N4BP2: variants seen among roughly 807,000 people sequenced by gnomAD.
The protein encoded by N4BP2 is NEDD4 binding protein 2, also known as NEDD4-binding protein 2.
In N4BP2, 91 loss-of-function variants were observed where a neutral mutation model predicts 152.8. The ratio of observed to expected loss-of-function variants is 0.60; its 90% CI spans 0.50 to 0.71. N4BP2 has a LOEUF of 0.71. Among genes scored for constraint, N4BP2 ranks in the 30% least tolerant of loss-of-function variants. The pLI, the probability that N4BP2 is intolerant of heterozygous loss-of-function variation, is 0.00. For missense variants in N4BP2, 1,923 were observed against 2,059.1 expected, an observed-to-expected ratio of 0.93 and a Z score of 1.28; for synonymous variants, 646 against 705.3, an observed-to-expected ratio of 0.92 and a Z score of 1.33.
intron 14 of N4BP2, among the ~76,000 whole-genome samples, chr4:40,141,222 AC>A (rs369480878): frequency 0.3 from 43,703 of 145,956 alleles, 6,465 homozygotes; most frequent in South Asian, 0.48. Context: ...CGGGGGGCTG[AC>A]CCCCCCACCT....
At position 40,133,808 on chromosome 4, in the gene N4BP2, G is replaced by T. The variant is rs563029838; in HGVS notation, c.4646+1889G>T. ...AGGAGTAGTCAACATATACTTTTTT[G>T]TGTGTGTGTGTTTGTGTGAGACAGG... On this transcript the variant is annotated intron_variant, in intron 13 of 17. Coordinates refer to ENST00000261435, the MANE Select transcript of N4BP2 (RefSeq NM_018177.6). Among the ~76,000 whole-genome samples the T allele has an allele frequency of 1.1e-4, 17 of 151,652 alleles. No individual in the cohort carries two copies. The East Asian group carries it at 1.2e-3, about 10-fold the overall frequency.
the N4BP2 span, among the ~76,000 whole-genome samples, chr4:40,164,939 GC>G: frequency 6.6e-6 from 1 of 152,170 alleles, no homozygotes; most frequent in Non-Finnish European, 1.5e-5. Context: ...TCTTTGCTGA[GC>G]TGTAGAGTAA....
chr4:40,144,925 TTA>T lies in N4BP2; in HGVS notation c.5143+127_5143+128del, dbSNP rs1720371865. On this transcript the variant is annotated intron_variant, in intron 16 of 17. Transcript: ENST00000261435. ...ATATCTGTGTAACATCTGTAAATGTTTATGTTATTCATTCTTCAAGAGAACCT... is the reference window on the plus strand; with the variant it reads ...ATATCTGTGTAACATCTGTAAATGTTTGTTATTCATTCTTCAAGAGAACCT... 3 of 663,234 alleles carry T rather than the reference TTA, an allele frequency of 4.5e-6. No homozygotes were observed. In the Admixed American group the frequency reaches 1.1e-4, roughly 23 times the overall value. 41.1% of individuals were successfully genotyped at this position (663,234 alleles called of 1,614,324 possible).
chr4:40,058,319 G>A (rs747904738), intron 1 of N4BP2, among the ~76,000 whole-genome samples: 4 of 152,048 alleles, frequency 2.6e-5, no homozygotes, highest in Non-Finnish European at 5.9e-5. Flanking sequence ...TTTGATAAAC[G>A]TGGTTCCATC....
chr4:40,112,284 C>G, intron 6 of N4BP2, 112 bp downstream of exon 6: 1 of 655,940 alleles, frequency 1.5e-6, no homozygotes, highest in Non-Finnish European at 2.6e-6. Context: ...CTTGGATAGT[C>G]TGTAAATGAG....
rs1717917954 is a variant in N4BP2 at position 40,121,583 on chromosome 4, A to G, written c.3472A>G (p.Asn1158Asp). 1.2e-6 allele frequency: 2 copies of G among 1,614,098 alleles called. No homozygotes were observed. Among genetic ancestry groups the G allele is most frequent in the African/African-American group, 2.7e-5 (2 of 75,028 alleles). Reference protein sequence around the residue: ...SQIGPFSLGLNLKEIISQRGT... With the variant: ...SQIGPFSLGLDLKEIISQRGT... ...AATTGGGCCTTTTTCTCTGGGGTTG[A>G]ATTTGAAAGAAATTATTAGCCAAAG... The change falls in exon 9 of 18, where the codon AAT (asparagine) becomes GAT (aspartate). Residue 1158 changes from asparagine (N) to aspartate (D), a missense_variant. Coordinates refer to ENST00000261435, the MANE Select transcript of N4BP2 (RefSeq NM_018177.6).
At chr4:40,090,465 C>T (rs371728484) in intron 2 of N4BP2, among the ~76,000 whole-genome samples, 6 of 152,190 alleles carry the variant, frequency 3.9e-5, no homozygotes, top group African/African-American at 1.4e-4. Flanking sequence ...TAGATTTATA[C>T]CTATGTGCTG....
At chr4:40,099,888 C>CT (rs201984458) in intron 3 of N4BP2, 48 of 228,792 alleles carry the variant, frequency 2.1e-4, no homozygotes, top group Admixed American at 1.4e-3. Flanking sequence ...CGTTTGCTTT[C>CT]TTTTTTTTCC....
chr4:40,142,503 A>G (rs1720112919), intron 14 of N4BP2, 170 bp from the exon 15 acceptor site: 2 of 567,986 alleles, frequency 3.5e-6, no homozygotes, highest in Non-Finnish European at 3.2e-6. Context: ...AGTTAATGAT[A>G]GTCGATAAAT....
At chr4:40,085,603 C>T (rs556063230) in intron 2 of N4BP2, among the ~76,000 whole-genome samples, 5 of 151,976 alleles carry the variant, frequency 3.3e-5, no homozygotes, top group South Asian at 4.2e-4. Flanking sequence ...ATTACAGGCA[C>T]GCCACCATGC....
chr4:40,080,602 T>C (rs901205126), intron 2 of N4BP2, among the ~76,000 whole-genome samples: 7 of 151,932 alleles, frequency 4.6e-5, no homozygotes, highest in African/African-American at 1.7e-4. Flanking sequence ...CCCAAAGTGC[T>C]GGGATTACAG....
rs771496518 is a variant in N4BP2, at chr4:40,121,114, A to G, written c.3003A>G (p.Gln1001=). Reference sequence around the variant, plus strand: ...AAACGTTAGCTGAATGTCAAGAGCAAATGCCTAAGAGAGACCCTGGAAAAG... The same window carrying G: ...AAACGTTAGCTGAATGTCAAGAGCAGATGCCTAAGAGAGACCCTGGAAAAG... ...EPQTLAECQE[Q]MPKRDPGKEV... The change falls in exon 9 of 18, where the codon CAA becomes CAG. Residue 1001 remains glutamine (Q), a synonymous_variant. Transcript: ENST00000261435. The G allele has an allele frequency of 1.2e-6, 2 of 1,614,076 alleles. No homozygotes were observed. Among genetic ancestry groups the G allele is most frequent in the Non-Finnish European group, 1.7e-6 (2 of 1,180,012 alleles).
At chr4:40,132,179 A>G (rs887305509) in intron 13 of N4BP2, among the ~76,000 whole-genome samples, 5 of 152,146 alleles carry the variant, frequency 3.3e-5, no homozygotes, top group African/African-American at 1.2e-4. Context: ...AACAACTATA[A>G]CTAACAATAA....
chr4:40,144,248 A>G (rs1185116664), intron 15 of N4BP2, among the ~76,000 whole-genome samples: 1 of 152,276 alleles, frequency 6.6e-6, no homozygotes, highest in East Asian at 1.9e-4. Flanking sequence ...ATGCAGGGCA[A>G]TCTTCTCTGG....
At position 40,121,242 on chromosome 4, in the gene N4BP2, G is replaced by A. The variant is rs781531986; in HGVS notation, c.3131G>A (p.Gly1044Glu). 5 of 1,613,296 alleles carry A rather than the reference G, an allele frequency of 3.1e-6. No individual in the cohort carries two copies. In the East Asian group the frequency reaches 6.7e-5, roughly 22 times the overall value. The stretch of plus-strand genomic sequence containing the variant: ...TCAGATTCTATCAAAGTATTAACAG[G>A]AAGATTAGATGGATTTAAGCCGAAA... The part of the protein sequence containing the change: ...SISDSIKVLT[G>E]RLDGFKPKVF... Residue 1044 changes from glycine to glutamate, a missense_variant, in exon 9 of 18, where the codon GGA becomes GAA. Physicochemically the swap from Gly to Glu is moderately conservative, Grantham distance 98. Transcript: ENST00000261435.
chr4:40,130,196 T>C (rs549463517), intron 12 of N4BP2, among the ~76,000 whole-genome samples: 183 of 151,906 alleles, frequency 1.2e-3, no homozygotes, highest in Middle Eastern at 3.4e-3. Flanking sequence ...TGGCCAAAAA[T>C]AAAATATATT....
intron 11 of N4BP2, among the ~76,000 whole-genome samples, chr4:40,124,457 C>T (rs1204530707): frequency 6.6e-6 from 1 of 152,052 alleles, no homozygotes; most frequent in East Asian, 1.9e-4. Context: ...AGCAATTCTC[C>T]TGCCTCAGCC....
At chr4:40,132,675 C>T (rs963902153) in intron 13 of N4BP2, among the ~76,000 whole-genome samples, 1 of 152,022 alleles carries the variant, frequency 6.6e-6, no homozygotes, top group Non-Finnish European at 1.5e-5. Flanking sequence ...TACTTTTGAT[C>T]ATGTATTTTT....
At chr4:40,071,081 C>T (rs999111724) in intron 1 of N4BP2, among the ~76,000 whole-genome samples, 10 of 151,964 alleles carry the variant, frequency 6.6e-5, no homozygotes, top group African/African-American at 2.4e-4. Flanking sequence ...AAGAACTACC[C>T]GTTGCATTTG....
Sources: gnomAD v4.1 joint callset for allele counts (sites outside exome capture counted in the v4.1 genomes callset) on GRCh38, gnomAD v4.1.1 for gene constraint, MANE v1.5 for transcripts, NCBI Gene and HGNC (gene_info 2026-07-23, HGNC 2026-07-21) for gene names.